Variants in LUZP2 observed in about 807,000 individuals in gnomAD.
LUZP2 encodes leucine zipper protein 2.
A neutral mutation model predicts 51.6 loss-of-function variants in LUZP2; 52 were observed. That is an observed-to-expected ratio of 1.01 (90% CI 0.81 to 1.27). The LOEUF (loss-of-function observed/expected upper bound fraction) is 1.27, where lower values mean the gene tolerates loss of function less well. Ranked by LOEUF, LUZP2 falls within the 50% of genes most tolerant of loss-of-function variation. LUZP2 has a pLI of 0.00. For missense variants in LUZP2, 436 were observed against 395.4 expected, an observed-to-expected ratio of 1.10 and a Z score of -0.87; for synonymous variants, 154 against 137.3, an observed-to-expected ratio of 1.12 and a Z score of -0.85.
At chr11:25,049,942 A>C in intron 9 of LUZP2, 96 bp from the exon 10 acceptor site, 2 of 546,564 alleles carry the variant, frequency 3.7e-6, no homozygotes, top group South Asian at 4.0e-5. Flanking sequence ...ATATTATATC[A>C]TGTGTTACAA....
At chr11:24,835,940 T>A (rs2029197) in intron 5 of LUZP2, among the ~76,000 whole-genome samples, 2 of 151,638 alleles carry the variant, frequency 1.3e-5, no homozygotes, top group African/African-American at 2.4e-5. Flanking sequence ...CGTAAAAAAT[T>A]TGCTGCAAAA....
chr11:24,637,946 G>A (rs1244431639), intron 1 of LUZP2, among the ~76,000 whole-genome samples: 5 of 151,718 alleles, frequency 3.3e-5, no homozygotes, highest in Admixed American at 3.3e-4. Flanking sequence ...AAAACTTACT[G>A]GTTTTGCAGC....
chr11:25,004,158 A>G (rs1343231937), intron 9 of LUZP2, among the ~76,000 whole-genome samples: 1 of 152,180 alleles, frequency 6.6e-6, no homozygotes, highest in East Asian at 1.9e-4. Context: ...TTGTTGGATC[A>G]TCTGGTTGGG....
intron 7 of LUZP2, among the ~76,000 whole-genome samples, chr11:24,975,107 G>T (rs1855850379): frequency 6.6e-6 from 1 of 151,824 alleles, no homozygotes; most frequent in Non-Finnish European, 1.5e-5. Context: ...GCTCTATTCT[G>T]TTTTCTAGCT....
In LUZP2 at chr11:24,552,780, C is replaced by T. The variant is rs572898193; in HGVS notation, c.62+55475C>T. ...AGCCCTCTGGGTAAACATTTAAATC[C>T]TGACAAGGACTATAAATGATATATA... On this transcript the variant is annotated intron_variant, in intron 1 of 11. Coordinates refer to ENST00000336930, the MANE Select transcript of LUZP2 (RefSeq NM_001009909.4). Among the ~76,000 whole-genome samples the T allele has an allele frequency of 3.4e-4, 51 of 151,772 alleles. No homozygotes were observed. In the South Asian group the frequency reaches 0.011, roughly 31 times the overall value.
At chr11:24,904,527 C>A (rs1397236095) in intron 5 of LUZP2, among the ~76,000 whole-genome samples, 1 of 152,300 alleles carries the variant, frequency 6.6e-6, no homozygotes, top group East Asian at 1.9e-4. Flanking sequence ...TCGTGATCCA[C>A]CCGCCTCAGC....
chr11:24,938,610 A>T (rs535830422), intron 7 of LUZP2, among the ~76,000 whole-genome samples: 266 of 152,234 alleles, frequency 1.7e-3, no homozygotes, highest in African/African-American at 6.0e-3. Context: ...AACTATGTTA[A>T]CTCAATGTTG....
At chr11:24,705,109 A>T (rs1187794374) in intron 1 of LUZP2, among the ~76,000 whole-genome samples, 2 of 152,018 alleles carry the variant, frequency 1.3e-5, no homozygotes, top group Non-Finnish European at 2.9e-5. Flanking sequence ...CTTGAAAAAC[A>T]GTTGATTTAG....
At chr11:24,899,620 A>G (rs1363505705) in intron 5 of LUZP2, among the ~76,000 whole-genome samples, 1 of 152,180 alleles carries the variant, frequency 6.6e-6, no homozygotes. Context: ...AATATATGCT[A>G]TGCAAACTGC....
chr11:24,843,146 A>C (rs1293390308), intron 5 of LUZP2, among the ~76,000 whole-genome samples: 1 of 152,014 alleles, frequency 6.6e-6, no homozygotes, highest in African/African-American at 2.4e-5. Flanking sequence ...TTATACAAAC[A>C]TATATATTCA....
chr11:24,691,167 T>C (rs1297025688), intron 1 of LUZP2, among the ~76,000 whole-genome samples: 1 of 151,952 alleles, frequency 6.6e-6, no homozygotes, highest in African/African-American at 2.4e-5. Context: ...AAGCAGTCCA[T>C]TGTTTCAGAT....
chr11:24,806,991 C>G (rs1590563836), intron 5 of LUZP2, among the ~76,000 whole-genome samples: 1 of 112,686 alleles, frequency 8.9e-6, no homozygotes, highest in African/African-American at 3.4e-5. Context: ...GTGGGCAAAC[C>G]AATTTATTTA....
At chr11:25,015,743 G>T (rs751171835) in intron 9 of LUZP2, among the ~76,000 whole-genome samples, 1 of 151,820 alleles carries the variant, frequency 6.6e-6, no homozygotes, top group East Asian at 1.9e-4. Flanking sequence ...CTTATCTCTT[G>T]GTTAAAATAG....
Position 24,952,195 on chromosome 11 carries a change from C to T in LUZP2, c.523-24396C>T, listed in dbSNP as rs149972628. Among the ~76,000 whole-genome samples, 356 of 151,654 alleles carry T rather than the reference C, an allele frequency of 2.3e-3. 1 individual carries two copies. The highest frequency in any genetic ancestry group is 8.0e-3 in the African/African-American group (332 of 41,458). ...TAATATAAATTATTGTTGTTATCAT[C>T]GCCATCGTTATTTTTCCACCATCTA... On this transcript the variant is annotated intron_variant, in intron 7 of 11. Coordinates refer to ENST00000336930, the MANE Select transcript of LUZP2 (RefSeq NM_001009909.4).
rs192464631 is a variant in LUZP2 at position 24,968,114 on chromosome 11, A to C, written c.523-8477A>C. Among the ~76,000 whole-genome samples, 157 of 152,260 alleles carry C rather than the reference A, an allele frequency of 1.0e-3. 1 individual carries two copies. Among genetic ancestry groups the C allele is most frequent in the Non-Finnish European group, 1.8e-4 (12 of 68,016 alleles). On this transcript the variant is annotated intron_variant, in intron 7 of 11. Coordinates refer to ENST00000336930, the MANE Select transcript of LUZP2 (RefSeq NM_001009909.4). The stretch of plus-strand genomic sequence containing the variant: ...GGTAGTACCCAAGCTCCTCTTATTT[A>C]ATTGAGCTAAACCTCCAAAGATGTG...
At chr11:24,796,491 C>CTGTGTG (rs57329413) in intron 5 of LUZP2, among the ~76,000 whole-genome samples, 9,905 of 124,486 alleles carry the variant, frequency 0.08, 546 homozygotes, top group South Asian at 0.11. Flanking sequence ...TAATAATAAT[C>CTGTGTG]TGTGTGTGTG....
At chr11:24,850,925 G>A (rs997673974) in intron 5 of LUZP2, among the ~76,000 whole-genome samples, 8 of 151,392 alleles carry the variant, frequency 5.3e-5, no homozygotes, top group Admixed American at 2.0e-4. Context: ...TCTATTATTG[G>A]TGTATAGAAA....
intron 7 of LUZP2, among the ~76,000 whole-genome samples, chr11:24,935,785 T>G (rs1439158405): frequency 6.6e-6 from 1 of 152,168 alleles, no homozygotes; most frequent in East Asian, 1.9e-4. Flanking sequence ...TTTTAAATCA[T>G]GAATTAATGG....
At chr11:24,542,816 A>G (rs964241647) in intron 1 of LUZP2, among the ~76,000 whole-genome samples, 1 of 151,984 alleles carries the variant, frequency 6.6e-6, no homozygotes, top group African/African-American at 2.4e-5. Context: ...GACTACATTT[A>G]TGTATCAGCG....
Sources: allele counts gnomAD v4.1 joint callset (sites outside exome capture counted in the v4.1 genomes callset), GRCh38; gene constraint gnomAD v4.1.1; transcripts MANE v1.5; gene names NCBI Gene and HGNC (gene_info 2026-07-23, HGNC 2026-07-21).